The following PFAS variants were observed in gnomAD, a reference collection of about 807,000 sequenced individuals.
PFAS encodes the protein phosphoribosylformylglycinamidine synthase.
PFAS carries 97 observed loss-of-function variants against 140.6 expected under a neutral mutation model. That is an observed-to-expected ratio of 0.69 (90% CI 0.59 to 0.82). PFAS has a LOEUF of 0.82. Ranked by LOEUF, PFAS falls within the 40% of genes least tolerant of loss-of-function variation. PFAS has a pLI of 0.00. For missense variants in PFAS, 1,656 were observed against 1,780.2 expected, an observed-to-expected ratio of 0.93 and a Z score of 1.26; for synonymous variants, 679 against 718.8, an observed-to-expected ratio of 0.94 and a Z score of 0.88.
chr17:8,267,535 CT>C lies in PFAS; in HGVS notation c.3268-15del. ...GCGTGTCCTCCCACCCACACTCCCCCTCCCCACCTTCGCAGGTATGGGACGT... is the reference window on the plus strand; with the variant it reads ...GCGTGTCCTCCCACCCACACTCCCCCCCCCACCTTCGCAGGTATGGGACGT... On this transcript the variant is annotated splice_polypyrimidine_tract_variant and intron_variant, in intron 25 of 27. Transcript: ENST00000314666. The surrounding 1 kb of genome is among the most constrained non-coding windows in gnomAD (Gnocchi z 4.9). 3 of 1,588,866 alleles carry C rather than the reference CT, an allele frequency of 1.9e-6. No individual in the cohort carries two copies. The highest frequency in any genetic ancestry group is 2.6e-6 in the Non-Finnish European group (3 of 1,156,968).
rs775454585 is a variant in PFAS at position 8,264,360 on chromosome 17, G to A, written c.1917+23G>A. The A allele has an allele frequency of 2.7e-5, 43 of 1,613,096 alleles. No individual in the cohort carries two copies. The Admixed American group carries it at 6.8e-4, about 26-fold the overall frequency. On this transcript the variant is annotated intron_variant, in intron 16 of 27. Transcript: ENST00000314666. The stretch of plus-strand genomic sequence containing the variant: ...AAGGTATGTGGGGTTGAGGGGATGG[G>A]TTTTTCCTGTGGTCCTCTCCACACC...
At chr17:8,263,959 G>C (rs1269907792) in intron 15 of PFAS, 23 bp downstream of exon 15, 1 of 1,609,064 alleles carries the variant, frequency 6.2e-7, no homozygotes, top group African/African-American at 1.3e-5. Flanking sequence ...AGGGAGTTGG[G>C]AGCAAACACT....
At chr17:8,250,383 T>C (rs1426610657) in intron 1 of PFAS, among the ~76,000 whole-genome samples, 1 of 152,184 alleles carries the variant, frequency 6.6e-6, no homozygotes, top group Non-Finnish European at 1.5e-5. Context: ...GTGGCTTACT[T>C]GAACTAGAGT....
rs755129501 is a variant in PFAS at position 8,256,867 on chromosome 17, A to C, written c.979A>C (p.Thr327Pro). Residue 327 changes from threonine (T) to proline (P), a missense_variant, in exon 9 of 28, where the codon ACA becomes CCA. Coordinates refer to ENST00000314666, the MANE Select transcript of PFAS (RefSeq NM_012393.3). ...CCCCTTTAGTGGTGCAACCACTGGC[A>C]CAGGGGGCCGGATTCGAGATGTCCA... ...VCPFSGATTG[T>P]GGRIRDVQCT... The C allele has an allele frequency of 5.6e-6, 9 of 1,612,658 alleles. No individual in the cohort carries two copies. Among genetic ancestry groups the C allele is most frequent in the Non-Finnish European group, 6.8e-6 (8 of 1,179,240 alleles).
In PFAS at chr17:8,269,224, T is replaced by A; in HGVS notation, c.3977T>A (p.Phe1326Tyr). 1 of 1,612,680 alleles carries A rather than the reference T, an allele frequency of 6.2e-7. No homozygotes were observed. The highest frequency in any genetic ancestry group is 2.2e-5 in the East Asian group (1 of 44,844). Residue 1326 changes from phenylalanine (F) to tyrosine (Y), a missense_variant, in exon 28 of 28, where the codon TTT becomes TAT. Transcript: ENST00000314666. Reference sequence around the variant, plus strand: ...ACCACCTCCCCCTGGCTCCAGCTCTTTATCAATGCCCGAAACTGGACCCTG... The same window carrying A: ...ACCACCTCCCCCTGGCTCCAGCTCTATATCAATGCCCGAAACTGGACCCTG... ...TLTTSPWLQL[F>Y]INARNWTLEG... is the part of the protein sequence containing the mutation.
chr17:8,248,407 C>A (rs1453756513), upstream of PFAS, among the ~76,000 whole-genome samples: 3 of 43,004 alleles, frequency 7.0e-5, no homozygotes, highest in Non-Finnish European at 1.1e-4. Flanking sequence ...CCACGCCCGG[C>A]TAATTTTTTT....
intron 5 of PFAS, 39 bp downstream of exon 5, chr17:8,255,730 G>A: frequency 6.2e-7 from 1 of 1,604,732 alleles, no homozygotes. Context: ...TCCAGGATAG[G>A]CCAGTAGGGG....
rs768576696 is a variant in PFAS, at chr17:8,266,831, G to A, written c.2900G>A (p.Arg967His). 3.6e-5 allele frequency: 58 copies of A among 1,611,358 alleles called. No homozygotes were observed. The highest frequency in any genetic ancestry group is 2.4e-4 in the South Asian group (22 of 91,054). Residue 967 changes from arginine to histidine, a missense_variant, in exon 23 of 28, where the codon CGT becomes CAT. Physicochemically the swap from Arg to His is conservative, Grantham distance 29. This residue lies in a region of PFAS where 883 missense variants were observed against 1,023.0 expected (regional missense o/e 0.86). Transcript: ENST00000314666. The surrounding 1 kb of genome is among the most constrained non-coding windows in gnomAD (Gnocchi z 5.0). ...CCAGACCTGGCCCAGGTGCTGAAGC[G>A]TTACCGGGATGCTGGCCTCCATTGC... ...QEPDLAQVLK[R>H]YRDAGLHCLE...
chr17:8,254,896 G>A (rs756005230), intron 3 of PFAS, 131 bp from the exon 4 acceptor site: 2 of 657,520 alleles, frequency 3.0e-6, no homozygotes, highest in South Asian at 1.8e-5. Flanking sequence ...TTGTTGCCCA[G>A]CCTGAGGCTG....
At position 8,266,116 on chromosome 17, in the gene PFAS, T is replaced by G; in HGVS notation, c.2701+99T>G. On this transcript the variant is annotated intron_variant, in intron 21 of 27. Coordinates refer to ENST00000314666, the MANE Select transcript of PFAS (RefSeq NM_012393.3). This position sits in a 1 kb window ranked among gnomAD's most constrained non-coding sequence, Gnocchi z 5.0. ...GGGCAAAAGGGACTCCAATGGACGATGTACCCCAGATCCCCTGACATTCTG... is the reference window on the plus strand; with the variant it reads ...GGGCAAAAGGGACTCCAATGGACGAGGTACCCCAGATCCCCTGACATTCTG... 1.3e-6 allele frequency: 2 copies of G among 1,538,436 alleles called. No homozygotes were observed. The highest frequency in any genetic ancestry group is 2.3e-5 in the East Asian group (1 of 44,400).
chr17:8,269,210 C>T lies in PFAS; in HGVS notation c.3963C>T (p.Pro1321=). The T allele has an allele frequency of 6.2e-7, 1 of 1,613,446 alleles. No homozygotes were observed. Among genetic ancestry groups the T allele is most frequent in the Non-Finnish European group, 8.5e-7 (1 of 1,179,766 alleles). The stretch of plus-strand genomic sequence containing the variant: ...CATTTGATACTCTGACCACCTCCCC[C>T]TGGCTCCAGCTCTTTATCAATGCCC... The part of the protein sequence containing the change: ...PPPFDTLTTS[P]WLQLFINARN... Residue 1321 remains proline, a synonymous_variant, in exon 28 of 28, where the codon CCC becomes CCT. Coordinates refer to ENST00000314666, the MANE Select transcript of PFAS (RefSeq NM_012393.3).
intron 9 of PFAS, 75 bp from the exon 10 acceptor site, chr17:8,257,732 C>T: frequency 6.6e-7 from 1 of 1,526,372 alleles, no homozygotes; most frequent in Non-Finnish European, 9.1e-7. Flanking sequence ...TTGACTCTTC[C>T]TGAAGGATGC....
At chr17:8,248,304 G>A (rs571885585), upstream of PFAS, among the ~76,000 whole-genome samples, 1 of 143,564 alleles carries the variant, frequency 7.0e-6, no homozygotes, top group South Asian at 2.2e-4. Flanking sequence ...GCAGTGGCGC[G>A]ATCTCGGCTC....
At position 8,253,680 on chromosome 17, in the gene PFAS, C is replaced by T. The variant is rs893392841; in HGVS notation, c.-79-179C>T. On this transcript the variant is annotated intron_variant, in intron 1 of 27. Transcript: ENST00000314666. ...TCAGCCTCCCTAGTAACTGTGATTA[C>T]AGGCGCCCGCCACCACACCCAGCTA... Among the ~76,000 whole-genome samples the T allele has an allele frequency of 5.1e-4, 78 of 152,148 alleles. 2 individuals carry two copies. Among genetic ancestry groups the T allele is most frequent in the Non-Finnish European group, 1.0e-4 (7 of 68,034 alleles).
At chr17:8,248,218 T>G, upstream of PFAS, 1 of 598,930 alleles carries the variant, frequency 1.7e-6, no homozygotes, top group Non-Finnish European at 3.0e-6. Flanking sequence ...CCATCCCAAC[T>G]CCCGACACCC....
Position 8,258,098 on chromosome 17 carries a change from T to A in PFAS, c.1235T>A (p.Leu412His). 5 of 1,614,100 alleles carry A rather than the reference T, an allele frequency of 3.1e-6. No individual in the cohort carries two copies. Among genetic ancestry groups the A allele is most frequent in the Non-Finnish European group, 4.2e-6 (5 of 1,180,002 alleles). The part of the protein sequence containing the change: ...AGFARSLGLQ[L>H]PDGQRREWIK... ...TTCGCCCGCTCCTTGGGCCTCCAGC[T>A]CCCAGACGGCCAGCGGCGTGAGTGG... The change falls in exon 11 of 28, where the codon CTC becomes CAC. Residue 412 changes from leucine to histidine, a missense_variant. Around this residue, in one of 2 missense-constraint regions of PFAS, gnomAD observed 773 missense variants for 757.3 expected, o/e 1.02. Coordinates refer to ENST00000314666, the MANE Select transcript of PFAS (RefSeq NM_012393.3).
At chr17:8,264,127 C>G (rs1030219051) in intron 15 of PFAS, 85 bp from the exon 16 acceptor site, 110 of 1,568,066 alleles carry the variant, frequency 7.0e-5, no homozygotes, top group Non-Finnish European at 9.0e-5. Context: ...GAGTGGAAAG[C>G]ACATTTGTGC....
intron 11 of PFAS, among the ~76,000 whole-genome samples, chr17:8,260,425 T>C (rs1989546049): frequency 6.6e-6 from 1 of 152,216 alleles, no homozygotes; most frequent in Admixed American, 6.5e-5. Flanking sequence ...CTGCCTTCTT[T>C]CACTTAGCTT....
In PFAS at chr17:8,266,143, C is replaced by A; in HGVS notation, c.2702-91C>A. 6.4e-7 allele frequency: 1 copy of A among 1,567,576 alleles called. No individual in the cohort carries two copies. Among genetic ancestry groups the A allele is most frequent in the Non-Finnish European group, 8.7e-7 (1 of 1,150,896 alleles). ...TACCCCAGATCCCCTGACATTCTGA[C>A]ACACACTCTTGATGGACTGACTCCG... On this transcript the variant is annotated intron_variant, in intron 21 of 27. Coordinates refer to ENST00000314666, the MANE Select transcript of PFAS (RefSeq NM_012393.3). This position sits in a 1 kb window ranked among gnomAD's most constrained non-coding sequence, Gnocchi z 5.0.
Sources: allele counts gnomAD v4.1 joint callset (sites outside exome capture counted in the v4.1 genomes callset), GRCh38; gene constraint gnomAD v4.1.1; regional missense constraint gnomAD v4.1.1; non-coding constraint Gnocchi (gnomAD v3.1); transcripts MANE v1.5; gene names NCBI Gene and HGNC (gene_info 2026-07-23, HGNC 2026-07-21).